Variants in GABRB1 observed in about 807,000 individuals in gnomAD.
The protein encoded by GABRB1 is gamma-aminobutyric acid type A receptor subunit beta1, also known as gamma-aminobutyric acid receptor subunit beta-1.
Under a neutral mutation model 51.6 loss-of-function variants are expected in GABRB1, and 17 were observed. That is an observed-to-expected ratio of 0.33 (90% confidence interval 0.23 to 0.49). The LOEUF (loss-of-function observed/expected upper bound fraction) is 0.49. Among genes scored for constraint, GABRB1 ranks in the 20% least tolerant of loss-of-function variants. GABRB1 has a pLI of 0.99. For missense variants in GABRB1, 410 were observed against 600.6 expected (o/e 0.68, Z 3.32); for synonymous variants, 247 against 218.9 (o/e 1.13, Z -1.14).
At chr4:47,232,817 T>C (rs949977582) in intron 4 of GABRB1, among the ~76,000 whole-genome samples, 1 of 151,942 alleles carries the variant, frequency 6.6e-6, no homozygotes, top group Admixed American at 6.6e-5. Flanking sequence ...ATTCTCAAAT[T>C]TCTTATTTTT....
At chr4:47,022,125 C>A (rs1724944619) in intron 1 of GABRB1, among the ~76,000 whole-genome samples, 2 of 152,024 alleles carry the variant, frequency 1.3e-5, no homozygotes, top group African/African-American at 4.8e-5. Context: ...CAGCACTGTA[C>A]TTAAAAATTG....
intron 3 of GABRB1, among the ~76,000 whole-genome samples, chr4:47,085,316 T>A (rs1199959934): frequency 1.3e-5 from 2 of 152,220 alleles, no homozygotes; most frequent in African/African-American, 4.8e-5. Flanking sequence ...GAATCTATAG[T>A]ACATGTGTTA....
At chr4:47,296,675 C>A (rs185630718) in intron 4 of GABRB1, among the ~76,000 whole-genome samples, 11 of 152,230 alleles carry the variant, frequency 7.2e-5, no homozygotes, top group African/African-American at 2.6e-4. Context: ...CTTTAACACC[C>A]CACTGTCAAC....
chr4:47,139,374 A>G (rs1716815029), intron 3 of GABRB1, among the ~76,000 whole-genome samples: 1 of 152,080 alleles, frequency 6.6e-6, no homozygotes, highest in Non-Finnish European at 1.5e-5. Context: ...CTCACCAGCA[A>G]CTTGTAAAGT....
At position 47,235,089 on chromosome 4, in the gene GABRB1, C is replaced by T. The variant is rs533933248; in HGVS notation, c.461+73620C>T. 9.2e-5 allele frequency among the ~76,000 whole-genome samples: 14 copies of T among 152,314 alleles called. No individual in the cohort carries two copies. The South Asian group carries it at 2.7e-3, about 29-fold the overall frequency. ...ATACCCTTCCTTATTTCTCCTACCA[C>T]AACTTTATCTAGATCATATCCAGCT... is the stretch of plus-strand genomic sequence containing the variant. On this transcript the variant is annotated intron_variant, in intron 4 of 8. Coordinates refer to ENST00000295454, the MANE Select transcript of GABRB1 (RefSeq NM_000812.4).
chr4:47,170,732 T>C (rs1481814864), intron 4 of GABRB1, among the ~76,000 whole-genome samples: 2 of 152,158 alleles, frequency 1.3e-5, no homozygotes, highest in African/African-American at 2.4e-5. Flanking sequence ...AGAAACCTGC[T>C]ATTTCAAATG....
chr4:47,120,966 T>C (rs181746683), intron 3 of GABRB1, among the ~76,000 whole-genome samples: 1 of 152,312 alleles, frequency 6.6e-6, no homozygotes, highest in Non-Finnish European at 1.5e-5. Flanking sequence ...CCCTGGCTGG[T>C]GTCTCACTAG....
At chr4:47,292,609 TC>T (rs1483510249) in intron 4 of GABRB1, among the ~76,000 whole-genome samples, 1 of 152,210 alleles carries the variant, frequency 6.6e-6, no homozygotes, top group African/African-American at 2.4e-5. Context: ...TCCAGGGACT[TC>T]CCATAAAGCC....
intron 5 of GABRB1, among the ~76,000 whole-genome samples, chr4:47,385,468 G>T (rs1179094029): frequency 6.6e-6 from 1 of 152,270 alleles, no homozygotes; most frequent in East Asian, 1.9e-4. Flanking sequence ...GATGCAACAG[G>T]ATTTCAAGAC....
intron 4 of GABRB1, among the ~76,000 whole-genome samples, chr4:47,171,524 A>G (rs1435980307): frequency 6.6e-6 from 1 of 152,062 alleles, no homozygotes; most frequent in Non-Finnish European, 1.5e-5. Flanking sequence ...TACCACTTCC[A>G]TGATTTTTGC....
At chr4:47,092,326 C>T (rs1236067452) in intron 3 of GABRB1, among the ~76,000 whole-genome samples, 3 of 151,498 alleles carry the variant, frequency 2.0e-5, no homozygotes, top group Non-Finnish European at 4.4e-5. Flanking sequence ...GCACACACCA[C>T]CACGCCTGGA....
chr4:47,223,577 A>T (rs767156278), intron 4 of GABRB1, among the ~76,000 whole-genome samples: 19 of 152,064 alleles, frequency 1.2e-4, no homozygotes, highest in African/African-American at 3.6e-4. Flanking sequence ...CTTATTTTGT[A>T]TAAAGAAAGT....
intron 5 of GABRB1, among the ~76,000 whole-genome samples, chr4:47,343,423 T>C (rs1043596836): frequency 3.9e-5 from 6 of 152,322 alleles, no homozygotes; most frequent in Admixed American, 1.3e-4. Context: ...TATGGAAATA[T>C]TGCCAGTAGA....
chr4:47,113,870 T>C (rs570829687), intron 3 of GABRB1, among the ~76,000 whole-genome samples: 1 of 152,382 alleles, frequency 6.6e-6, no homozygotes, highest in Admixed American at 6.5e-5. Flanking sequence ...CCTGCAGTTC[T>C]GTTGTTAAAT....
At chr4:47,117,990 GTCCAC>G (rs1715581586) in intron 3 of GABRB1, among the ~76,000 whole-genome samples, 1 of 152,078 alleles carries the variant, frequency 6.6e-6, no homozygotes, top group Non-Finnish European at 1.5e-5. Flanking sequence ...TCTGTGACTT[GTCCAC>G]TTCTGTATAT....
chr4:47,253,709 A>T (rs1277932502), intron 4 of GABRB1, among the ~76,000 whole-genome samples: 2 of 152,248 alleles, frequency 1.3e-5, no homozygotes, highest in East Asian at 3.8e-4. Flanking sequence ...AATAAAACAT[A>T]TACAAATGAT....
At chr4:47,019,387 T>A (rs1372570854) in intron 1 of GABRB1, among the ~76,000 whole-genome samples, 1 of 152,086 alleles carries the variant, frequency 6.6e-6, no homozygotes, top group East Asian at 1.9e-4. Flanking sequence ...CTACCTACGC[T>A]CACAATATTA....
chr4:47,215,498 T>G lies in GABRB1; in HGVS notation c.461+54029T>G, dbSNP rs76980937. 1.9e-3 allele frequency among the ~76,000 whole-genome samples: 286 copies of G among 151,998 alleles called. 9 individuals carry two copies. The East Asian group carries it at 0.052, about 27-fold the overall frequency. On this transcript the variant is annotated intron_variant, in intron 4 of 8. Coordinates refer to ENST00000295454, the MANE Select transcript of GABRB1 (RefSeq NM_000812.4). ...CTGAGCAACAACCAGACCAAAAGACTATGCTAGGTAGAGAAGGGGGAAAAA... is the reference window on the plus strand; with the variant it reads ...CTGAGCAACAACCAGACCAAAAGACGATGCTAGGTAGAGAAGGGGGAAAAA...
At chr4:47,005,189 C>G (rs1049867948) in intron 1 of GABRB1, among the ~76,000 whole-genome samples, 2 of 152,162 alleles carry the variant, frequency 1.3e-5, no homozygotes, top group Admixed American at 6.5e-5. Context: ...GAGGCCGAGG[C>G]GGGTGGATCA....
Sources: allele counts gnomAD v4.1 joint callset (sites outside exome capture counted in the v4.1 genomes callset), GRCh38; gene constraint gnomAD v4.1.1; transcripts MANE v1.5; gene names NCBI Gene and HGNC (gene_info 2026-07-23, HGNC 2026-07-21).